Variants in CHCHD3 observed in about 807,000 individuals in gnomAD.
CHCHD3 encodes MICOS complex subunit MIC19.
Under a neutral mutation model 38.2 loss-of-function variants are expected in CHCHD3, and 20 were observed. That is an observed-to-expected ratio of 0.52 (90% CI 0.37 to 0.76). The LOEUF is 0.76. Ranked by LOEUF, CHCHD3 falls within the 30% of genes least tolerant of loss-of-function variation. The pLI is 0.00. For missense variants in CHCHD3, 245 were observed against 279.2 expected, an observed-to-expected ratio of 0.88 and a Z score of 0.87; for synonymous variants, 82 against 100.0, an observed-to-expected ratio of 0.82 and a Z score of 1.07.
At chr7:133,029,108 CTGTTA>C (rs1813431539) in intron 2 of CHCHD3, among the ~76,000 whole-genome samples, 1 of 152,114 alleles carries the variant, frequency 6.6e-6, no homozygotes. Context: ...TTTACGTATT[CTGTTA>C]TAAGCAACAG....
At chr7:132,973,209 TA>T in intron 4 of CHCHD3, 1 of 984,982 alleles carries the variant, frequency 1.0e-6, no homozygotes, top group African/African-American at 1.7e-5. Flanking sequence ...TTCAAAAGAG[TA>T]AAAGCTGGGA....
intron 1 of CHCHD3, among the ~76,000 whole-genome samples, chr7:133,080,360 T>C (rs1352750629): frequency 6.6e-6 from 1 of 152,262 alleles, no homozygotes; most frequent in Non-Finnish European, 1.5e-5. Context: ...CCTTATCTAA[T>C]ACTTGATATG....
intron 4 of CHCHD3, among the ~76,000 whole-genome samples, chr7:132,953,838 C>T (rs1047790433): frequency 1.3e-5 from 2 of 152,130 alleles, no homozygotes; most frequent in Admixed American, 1.3e-4. Context: ...TCTTGGTTTG[C>T]CTGGAGCATC....
intron 4 of CHCHD3, among the ~76,000 whole-genome samples, chr7:132,920,394 A>G (rs1810231517): frequency 6.6e-6 from 1 of 152,232 alleles, no homozygotes. Flanking sequence ...AAACAAAACT[A>G]GAAAACCTGG....
chr7:132,948,394 G>A (rs946070061), intron 4 of CHCHD3, among the ~76,000 whole-genome samples: 3 of 152,100 alleles, frequency 2.0e-5, no homozygotes, highest in Non-Finnish European at 4.4e-5. Flanking sequence ...GTGGAAGAGT[G>A]AGGGACGGAG....
At chr7:132,894,070 C>T (rs989369128) in intron 4 of CHCHD3, among the ~76,000 whole-genome samples, 1 of 152,126 alleles carries the variant, frequency 6.6e-6, no homozygotes, top group Non-Finnish European at 1.5e-5. Context: ...TGTTGGAGTA[C>T]ACAAATTTTG....
chr7:132,954,753 T>C (rs536552389), intron 4 of CHCHD3, among the ~76,000 whole-genome samples: 1 of 152,252 alleles, frequency 6.6e-6, no homozygotes, highest in East Asian at 1.9e-4. Flanking sequence ...AGGGGCCAAG[T>C]AGAGCAGATA....
chr7:132,935,850 G>A (rs997516895), intron 4 of CHCHD3, among the ~76,000 whole-genome samples: 11 of 152,280 alleles, frequency 7.2e-5, no homozygotes, highest in Admixed American at 5.9e-4. Context: ...AGGGCATGGC[G>A]CCAGCATCTG....
chr7:133,001,001 C>T (rs1812556597), intron 3 of CHCHD3, among the ~76,000 whole-genome samples: 1 of 152,270 alleles, frequency 6.6e-6, no homozygotes, highest in African/African-American at 2.4e-5. Flanking sequence ...AACTTCTCAT[C>T]AGTTCTCGCC....
At chr7:132,945,411 A>C (rs1294711337) in intron 4 of CHCHD3, among the ~76,000 whole-genome samples, 1 of 152,026 alleles carries the variant, frequency 6.6e-6, no homozygotes, top group East Asian at 1.9e-4. Flanking sequence ...AATATTGTAC[A>C]TATATGTATA....
chr7:132,960,313 A>G (rs762466878), intron 4 of CHCHD3, among the ~76,000 whole-genome samples: 1 of 152,170 alleles, frequency 6.6e-6, no homozygotes, highest in African/African-American at 2.4e-5. Context: ...TCATACACAC[A>G]GAGAGCATAT....
intron 6 of CHCHD3, among the ~76,000 whole-genome samples, chr7:132,817,078 G>A (rs1258665636): frequency 1.3e-5 from 2 of 152,150 alleles, no homozygotes; most frequent in Non-Finnish European, 2.9e-5. Context: ...GAAAGATGGC[G>A]ATTTCTCTGT....
At chr7:132,935,287 C>T (rs1367471776) in intron 4 of CHCHD3, among the ~76,000 whole-genome samples, 8 of 152,244 alleles carry the variant, frequency 5.3e-5, no homozygotes, top group Admixed American at 5.2e-4. Flanking sequence ...ATGAACCCTA[C>T]AAGGCCAGCA....
chr7:132,888,411 C>G (rs1245339304), intron 4 of CHCHD3, among the ~76,000 whole-genome samples: 1 of 151,464 alleles, frequency 6.6e-6, no homozygotes, highest in Non-Finnish European at 1.5e-5. Flanking sequence ...ACTCATAGAA[C>G]TGTATATCAG....
chr7:132,973,307 A>G, intron 4 of CHCHD3: 2 of 985,456 alleles, frequency 2.0e-6, no homozygotes, highest in East Asian at 1.1e-4. Context: ...CATGAGCACT[A>G]TTAACCTCCT....
intron 3 of CHCHD3, among the ~76,000 whole-genome samples, chr7:133,009,165 A>G (rs890711246): frequency 2.0e-5 from 3 of 151,882 alleles, no homozygotes; most frequent in African/African-American, 7.3e-5. Flanking sequence ...GGAGCTTGAG[A>G]CCAGCCTGGC....
At chr7:133,006,570 A>G (rs1812706878) in intron 3 of CHCHD3, among the ~76,000 whole-genome samples, 1 of 152,178 alleles carries the variant, frequency 6.6e-6, no homozygotes, top group South Asian at 2.1e-4. Flanking sequence ...GGCATAACAC[A>G]ACACTGGTTT....
At chr7:132,828,284 T>C (rs770907147) in intron 6 of CHCHD3, among the ~76,000 whole-genome samples, 139 of 152,298 alleles carry the variant, frequency 9.1e-4, no homozygotes, top group Non-Finnish European at 1.1e-3. Flanking sequence ...ACAATTAGTA[T>C]TGTCAGTCTT....
chr7:132,975,922 G>GT (rs1480443868), intron 3 of CHCHD3, among the ~76,000 whole-genome samples: 3 of 86,958 alleles, frequency 3.4e-5, no homozygotes, highest in Admixed American at 2.8e-4. Context: ...ATGAGACTCC[G>GT]TTTAAAAAAA....
Sources: gnomAD v4.1 joint callset for allele counts (sites outside exome capture counted in the v4.1 genomes callset) on GRCh38, gnomAD v4.1.1 for gene constraint, MANE v1.5 for transcripts, NCBI Gene and HGNC (gene_info 2026-07-23, HGNC 2026-07-21) for gene names.